Variants in CMSS1 observed in about 807,000 individuals in gnomAD.
CMSS1 encodes protein CMSS1.
CMSS1 carries 33 observed loss-of-function variants against 43.5 expected under a neutral mutation model. That is an observed-to-expected ratio of 0.76 (90% confidence interval 0.57 to 1.01). The LOEUF is 1.01. Among genes scored for constraint, CMSS1 ranks in the 50% least tolerant of loss-of-function variants. The probability of loss-of-function intolerance (pLI) is 0.00; values close to 1 mark genes in which losing one functional copy is unlikely to be tolerated. For missense variants in CMSS1, 313 were observed against 326.4 expected, an observed-to-expected ratio of 0.96 and a Z score of 0.32; for synonymous variants, 115 against 117.2, an observed-to-expected ratio of 0.98 and a Z score of 0.12.
intron 1 of CMSS1, among the ~76,000 whole-genome samples, chr3:99,972,440 C>G (rs969965206): frequency 2.0e-5 from 3 of 152,184 alleles, no homozygotes; most frequent in African/African-American, 7.2e-5. Flanking sequence ...ACGTCCCCGT[C>G]CCCATTTGAG....
chr3:100,043,182 C>A (rs968431362), intron 1 of CMSS1, among the ~76,000 whole-genome samples: 2 of 152,226 alleles, frequency 1.3e-5, no homozygotes, highest in Non-Finnish European at 2.9e-5. Context: ...GAGAGGCTTT[C>A]TTCAGGCATA....
At chr3:100,144,469 G>A (rs2066831062) in intron 1 of CMSS1, among the ~76,000 whole-genome samples, 1 of 152,116 alleles carries the variant, frequency 6.6e-6, no homozygotes, top group African/African-American at 2.4e-5. Flanking sequence ...AGTTGGGGAT[G>A]GATGAGGGCT....
chr3:100,038,489 G>T (rs2065147932), intron 1 of CMSS1, among the ~76,000 whole-genome samples: 1 of 152,204 alleles, frequency 6.6e-6, no homozygotes, highest in Non-Finnish European at 1.5e-5. Flanking sequence ...TACTCAGTCA[G>T]TTGTAGTTTC....
In CMSS1 at chr3:99,906,772, T is replaced by C. The variant is rs184817646; in HGVS notation, c.64+88729T>C. Among the ~76,000 whole-genome samples, 217 of 152,278 alleles carry C rather than the reference T, an allele frequency of 1.4e-3. 2 individuals carry two copies. The highest frequency in any genetic ancestry group is 4.6e-3 in the Admixed American group (70 of 15,308). ...TGAGAAGTGGCTATGTGAGTTTGGA[T>C]TGGATCATTGAACTATAAGTAGAAG... On this transcript the variant is annotated intron_variant, in intron 1 of 9. Coordinates refer to ENST00000421999, the MANE Select transcript of CMSS1 (RefSeq NM_032359.4).
chr3:99,998,665 C>T (rs1285063253), intron 1 of CMSS1, among the ~76,000 whole-genome samples: 6 of 152,186 alleles, frequency 3.9e-5, no homozygotes, highest in African/African-American at 1.4e-4. Flanking sequence ...CGGGTTCACG[C>T]GATTCTCCCG....
intron 1 of CMSS1, among the ~76,000 whole-genome samples, chr3:100,043,418 A>G (rs2065235947): frequency 6.6e-6 from 1 of 152,166 alleles, no homozygotes; most frequent in Non-Finnish European, 1.5e-5. Context: ...ATAGCAGCTC[A>G]GCAGTCTCTA....
chr3:100,132,520 T>A (rs1330988475), intron 1 of CMSS1, among the ~76,000 whole-genome samples: 1 of 151,852 alleles, frequency 6.6e-6, no homozygotes, highest in Non-Finnish European at 1.5e-5. Context: ...GAACATTCTA[T>A]GCATATAAGA....
intron 1 of CMSS1, chr3:99,851,000 T>A: frequency 6.2e-7 from 1 of 1,613,756 alleles, no homozygotes; most frequent in Non-Finnish European, 8.5e-7. Flanking sequence ...TTCAGGGTGG[T>A]GACCCTTTTC....
intron 1 of CMSS1, among the ~76,000 whole-genome samples, chr3:100,128,397 A>T (rs1231096766): frequency 6.6e-6 from 1 of 152,246 alleles, no homozygotes; most frequent in African/African-American, 2.4e-5. Context: ...ACACCAAAAA[A>T]ATCCAATTGA....
intron 1 of CMSS1, among the ~76,000 whole-genome samples, chr3:100,057,129 G>C (rs190619842): frequency 3.3e-5 from 5 of 152,350 alleles, no homozygotes; most frequent in African/African-American, 1.2e-4. Context: ...AGTCAGAGAA[G>C]CTCTGGTGCT....
At position 99,818,067 on chromosome 3, in the gene CMSS1, C is replaced by T. The variant is rs374475619; in HGVS notation, c.64+24C>T. 141 of 1,608,522 alleles carry T rather than the reference C, an allele frequency of 8.8e-5. 1 individual carries two copies. In the African/African-American group the frequency reaches 1.7e-3, roughly 20 times the overall value. ...AGGTACCCACTCTGTGCCCGCGCTC[C>T]TACGGGGCCTCTCCCGGAGCCCTTC... On this transcript the variant is annotated intron_variant, in intron 1 of 9. Transcript: ENST00000421999.
At chr3:99,837,131 A>G (rs903437600) in intron 1 of CMSS1, among the ~76,000 whole-genome samples, 1 of 152,220 alleles carries the variant, frequency 6.6e-6, no homozygotes, top group Non-Finnish European at 1.5e-5. Context: ...ACATACTCTT[A>G]TAATCAGGAA....
intron 1 of CMSS1, among the ~76,000 whole-genome samples, chr3:99,951,471 A>G (rs748770113): frequency 3.9e-5 from 6 of 152,208 alleles, no homozygotes; most frequent in East Asian, 1.9e-4. Context: ...AAGTCATCAA[A>G]TGATGAGATT....
At chr3:99,886,204 A>G (rs946675013) in intron 1 of CMSS1, among the ~76,000 whole-genome samples, 4 of 151,896 alleles carry the variant, frequency 2.6e-5, no homozygotes, top group African/African-American at 2.4e-5. Context: ...TTTGTTGAAT[A>G]CCTTCTGTGT....
At chr3:100,026,402 C>T (rs2064922073) in intron 1 of CMSS1, among the ~76,000 whole-genome samples, 1 of 151,456 alleles carries the variant, frequency 6.6e-6, no homozygotes. Flanking sequence ...GGAGCAAGGT[C>T]GATAGTGAAC....
At chr3:99,884,148 A>G (rs1705820557) in intron 1 of CMSS1, among the ~76,000 whole-genome samples, 1 of 152,196 alleles carries the variant, frequency 6.6e-6, no homozygotes, top group Admixed American at 6.5e-5. Context: ...TAGCCTGTTC[A>G]GGGATATGCA....
intron 1 of CMSS1, among the ~76,000 whole-genome samples, chr3:99,987,968 T>C (rs1709394918): frequency 6.6e-6 from 1 of 152,200 alleles, no homozygotes. Context: ...AGGCCATCAT[T>C]CTGTTTCTTA....
At chr3:99,955,502 G>T (rs1462849314) in intron 1 of CMSS1, among the ~76,000 whole-genome samples, 3 of 152,176 alleles carry the variant, frequency 2.0e-5, no homozygotes, top group Non-Finnish European at 4.4e-5. Context: ...GGCCCAAGTT[G>T]AATCAGGAAG....
intron 2 of CMSS1, among the ~76,000 whole-genome samples, chr3:100,148,087 G>A (rs1028681424): frequency 5.3e-5 from 8 of 152,022 alleles, no homozygotes; most frequent in African/African-American, 1.9e-4. Flanking sequence ...GGTTTTGTTT[G>A]TTTGTTTTTG....
Sources: allele counts gnomAD v4.1 joint callset (sites outside exome capture counted in the v4.1 genomes callset), GRCh38; gene constraint gnomAD v4.1.1; transcripts MANE v1.5; gene names NCBI Gene and HGNC (gene_info 2026-07-23, HGNC 2026-07-21).